The following PDE12 variants were observed in gnomAD, a reference collection of about 807,000 sequenced individuals.
PDE12 encodes the protein 2',5'-phosphodiesterase 12.
PDE12 carries 26 observed loss-of-function variants against 45.4 expected under a neutral mutation model. That is an observed-to-expected ratio of 0.57 (90% confidence interval 0.42 to 0.79). The LOEUF (loss-of-function observed/expected upper bound fraction) is 0.79, where lower values mean the gene tolerates loss of function less well. Ranked by LOEUF, PDE12 falls within the 30% of genes least tolerant of loss-of-function variation. PDE12 has a pLI of 0.00. For missense variants in PDE12, 668 were observed against 790.0 expected (o/e 0.85, Z 1.85); for synonymous variants, 283 against 323.9 (o/e 0.87, Z 1.36).
the PDE12 span, among the ~76,000 whole-genome samples, chr3:57,594,605 T>A: frequency 1.1e-3 from 173 of 152,344 alleles, no homozygotes; most frequent in African/African-American, 4.0e-3. Flanking sequence ...ACGAATTAAA[T>A]TTAAAACTTC....
chr3:57,622,192 C>T, the PDE12 span, among the ~76,000 whole-genome samples: 1 of 152,088 alleles, frequency 6.6e-6, no homozygotes, highest in South Asian at 2.1e-4. Flanking sequence ...CAAATCAAAC[C>T]AAAACCAAAA....
At chr3:57,629,211 T>G in the PDE12 span, among the ~76,000 whole-genome samples, 1 of 152,158 alleles carries the variant, frequency 6.6e-6, no homozygotes, top group Admixed American at 6.5e-5. Context: ...AGTGACTAAT[T>G]TATAAGGAAC....
the PDE12 span, among the ~76,000 whole-genome samples, chr3:57,582,911 T>A: frequency 6.6e-6 from 1 of 152,328 alleles, no homozygotes; most frequent in South Asian, 2.1e-4. Context: ...GAGAGTTAGA[T>A]TAGAACAGTG....
At chr3:57,591,471 CTT>C in the PDE12 span, among the ~76,000 whole-genome samples, 7 of 142,070 alleles carry the variant, frequency 4.9e-5, no homozygotes, top group Admixed American at 7.1e-5. Context: ...CTTTTCTTTT[CTT>C]TTTTTTTTTT....
the PDE12 span, among the ~76,000 whole-genome samples, chr3:57,599,846 T>A: frequency 2.7e-5 from 4 of 149,806 alleles, no homozygotes; most frequent in African/African-American, 9.8e-5. Context: ...AACTGGTATT[T>A]ACACTCTTTT....
the PDE12 span, among the ~76,000 whole-genome samples, chr3:57,600,369 TTCTTTCTTTC>T: frequency 1.8e-4 from 27 of 151,690 alleles, no homozygotes; most frequent in Admixed American, 1.5e-3. Flanking sequence ...TTCCTTTCTT[TTCTTTCTTTC>T]TCTTTCTTTT....
chr3:57,633,748 G>C, the PDE12 span, among the ~76,000 whole-genome samples: 1 of 151,970 alleles, frequency 6.6e-6, no homozygotes, highest in African/African-American at 2.4e-5. Context: ...AAATTAGCTG[G>C]GTGTGGTGGC....
the PDE12 span, chr3:57,646,179 T>C: frequency 1.5e-5 from 19 of 1,243,276 alleles, no homozygotes; most frequent in African/African-American, 4.5e-5. Flanking sequence ...TACCTTCTGA[T>C]AGGGTTTTTG....
chr3:57,651,255 A>G, the PDE12 span, among the ~76,000 whole-genome samples: 2 of 152,226 alleles, frequency 1.3e-5, no homozygotes, highest in Non-Finnish European at 2.9e-5. Context: ...TTGTAAACTG[A>G]AAATATCAAA....
the PDE12 span, among the ~76,000 whole-genome samples, chr3:57,607,142 G>C: frequency 6.6e-6 from 1 of 152,154 alleles, no homozygotes; most frequent in Non-Finnish European, 1.5e-5. Flanking sequence ...ACAGGGTCTG[G>C]AGTGGACCTC....
chr3:57,636,173 C>A, the PDE12 span, among the ~76,000 whole-genome samples: 3 of 152,172 alleles, frequency 2.0e-5, no homozygotes, highest in African/African-American at 7.2e-5. Context: ...TTCTACTACA[C>A]AGGAAGTTGG....
the PDE12 span, chr3:57,600,665 C>A: frequency 6.6e-6 from 1 of 152,162 alleles, no homozygotes; most frequent in Non-Finnish European, 1.5e-5. Flanking sequence ...GCCTTGGCCT[C>A]CCAAAGTGTT....
chr3:57,588,370 G>T, the PDE12 span, among the ~76,000 whole-genome samples: 6 of 152,062 alleles, frequency 3.9e-5, no homozygotes. Flanking sequence ...TTTGAAACCA[G>T]CCTGGTCAAC....
the PDE12 span, among the ~76,000 whole-genome samples, chr3:57,590,081 C>T: frequency 7.0e-6 from 1 of 142,684 alleles, no homozygotes; most frequent in Non-Finnish European, 1.5e-5. Context: ...CAGACCAAGA[C>T]TCTGTCTCAA....
chr3:57,586,094 C>T, the PDE12 span, among the ~76,000 whole-genome samples: 2 of 152,154 alleles, frequency 1.3e-5, no homozygotes, highest in Admixed American at 6.6e-5. Flanking sequence ...AAATTAAATG[C>T]TTGTAAGTAT....
chr3:57,579,669 T>C, the PDE12 span, among the ~76,000 whole-genome samples: 1 of 152,188 alleles, frequency 6.6e-6, no homozygotes, highest in South Asian at 2.1e-4. Context: ...TTATTTTACA[T>C]CCATTAAATG....
At chr3:57,577,515 T>G in the PDE12 span, 1 of 700,076 alleles carries the variant, frequency 1.4e-6, no homozygotes, top group African/African-American at 1.8e-5. Context: ...AGTAAGAACT[T>G]AAGGCTGTAA....
the PDE12 span, among the ~76,000 whole-genome samples, chr3:57,581,491 T>G: frequency 2.0e-5 from 3 of 152,170 alleles, no homozygotes. Context: ...AAGGTTTTAC[T>G]TCATATCTAA....
the PDE12 span, among the ~76,000 whole-genome samples, chr3:57,634,220 G>A: frequency 6.6e-6 from 1 of 151,922 alleles, no homozygotes; most frequent in Non-Finnish European, 1.5e-5. Context: ...ATCACTTAAG[G>A]CCAGGAGTTC....
Sources: allele counts gnomAD v4.1 joint callset (sites outside exome capture counted in the v4.1 genomes callset), GRCh38; gene constraint gnomAD v4.1.1; transcripts MANE v1.5; gene names NCBI Gene and HGNC (gene_info 2026-07-23, HGNC 2026-07-21).